RXFP1: variants seen among roughly 807,000 people sequenced by gnomAD.
RXFP1 encodes relaxin family peptide receptor 1, also known as relaxin receptor 1.
Under a neutral mutation model 89.8 loss-of-function variants are expected in RXFP1, and 73 were observed. The ratio of observed to expected loss-of-function variants is 0.81; its 90% CI spans 0.67 to 0.99. The LOEUF (loss-of-function observed/expected upper bound fraction) is 0.99, where lower values mean the gene tolerates loss of function less well. Ranked by LOEUF, RXFP1 falls within the 50% of genes least tolerant of loss-of-function variation. The probability of loss-of-function intolerance (pLI) is 0.00; values close to 1 mark genes in which losing one functional copy is unlikely to be tolerated. For synonymous variants in RXFP1, 277 were observed against 305.5 expected (o/e 0.91, Z 0.97); for missense variants, 793 against 895.5 (o/e 0.89, Z 1.46).
At chr4:158,522,750 G>A (rs1228588805) in intron 1 of RXFP1, among the ~76,000 whole-genome samples, 1 of 152,162 alleles carries the variant, frequency 6.6e-6, no homozygotes, top group East Asian at 1.9e-4. Context: ...GGTAATAAAT[G>A]ATGAAAAAGT....
chr4:158,634,487 T>C (rs1768745547), intron 12 of RXFP1, among the ~76,000 whole-genome samples: 1 of 152,208 alleles, frequency 6.6e-6, no homozygotes, highest in Non-Finnish European at 1.5e-5. Flanking sequence ...CTTTTCACTC[T>C]ATTATGGTGT....
chr4:158,648,401 A>G, intron 16 of RXFP1, 98 bp from the exon 17 acceptor site: 3 of 741,656 alleles, frequency 4.0e-6, no homozygotes, highest in Non-Finnish European at 6.3e-6. Flanking sequence ...TAGTAATAAC[A>G]TCTTTGTATC....
At chr4:158,597,566 G>A (rs149299600) in intron 3 of RXFP1, among the ~76,000 whole-genome samples, 1 of 152,132 alleles carries the variant, frequency 6.6e-6, no homozygotes. Flanking sequence ...AATATTCCAT[G>A]TAATAGTATA....
At chr4:158,617,101 A>C (rs1421088165) in intron 8 of RXFP1, 30 bp from the exon 9 acceptor site, 1 of 1,516,100 alleles carries the variant, frequency 6.6e-7, no homozygotes, top group Middle Eastern at 1.7e-4. Flanking sequence ...AACCAGAAAA[A>C]TGTGACTTGT....
At chr4:158,644,120 C>T (rs1425228654) in intron 14 of RXFP1, among the ~76,000 whole-genome samples, 1 of 149,582 alleles carries the variant, frequency 6.7e-6, no homozygotes, top group Non-Finnish European at 1.5e-5. Flanking sequence ...GATCTGGGCT[C>T]ACTGCAAGCT....
At chr4:158,609,925 C>A (rs975092328) in intron 6 of RXFP1, among the ~76,000 whole-genome samples, 5 of 152,166 alleles carry the variant, frequency 3.3e-5, no homozygotes, top group African/African-American at 4.8e-5. Flanking sequence ...TAAAAGTGTC[C>A]TCCCTCTCTT....
rs755694873 is a variant in RXFP1 at position 158,564,758 on chromosome 4, G to T, written c.50-7940G>T. On this transcript the variant is annotated intron_variant, in intron 1 of 17. Coordinates refer to ENST00000307765, the MANE Select transcript of RXFP1 (RefSeq NM_021634.4). ...AACTATTACTTCTGTAACTCTTTGGGCATACTTTTCCAGAGGGACTCAATA... is the reference window on the plus strand; with the variant it reads ...AACTATTACTTCTGTAACTCTTTGGTCATACTTTTCCAGAGGGACTCAATA... 3.9e-4 allele frequency among the ~76,000 whole-genome samples: 60 copies of T among 152,106 alleles called. 1 individual carries two copies. The highest frequency in any genetic ancestry group is 1.1e-3 in the Admixed American group (17 of 15,280).
chr4:158,528,848 T>A (rs1743262487), intron 1 of RXFP1, among the ~76,000 whole-genome samples: 1 of 152,242 alleles, frequency 6.6e-6, no homozygotes, highest in Non-Finnish European at 1.5e-5. Context: ...GTGCCCCAGA[T>A]AATGTAGGCA....
intron 1 of RXFP1, among the ~76,000 whole-genome samples, chr4:158,539,239 C>G (rs1353571054): frequency 1.3e-5 from 2 of 152,122 alleles, no homozygotes; most frequent in East Asian, 1.9e-4. Flanking sequence ...GGACAAAAAA[C>G]CAAACACCAC....
intron 4 of RXFP1, 42 bp downstream of exon 4, chr4:158,599,473 A>G: frequency 6.7e-7 from 1 of 1,495,476 alleles, no homozygotes; most frequent in Non-Finnish European, 9.2e-7. Flanking sequence ...GCTGGGTAGC[A>G]CCTGTAAAAT....
chr4:158,521,869 T>G, upstream of RXFP1: 1 of 656,110 alleles, frequency 1.5e-6, no homozygotes. Context: ...TTGTAACTGC[T>G]AAGATTGCAG....
intron 2 of RXFP1, among the ~76,000 whole-genome samples, chr4:158,583,263 C>T (rs1757710562): frequency 6.6e-6 from 1 of 152,182 alleles, no homozygotes; most frequent in Non-Finnish European, 1.5e-5. Context: ...TCAATTGGTC[C>T]TGTGTTTAAA....
chr4:158,651,859 A>T lies in RXFP1; in HGVS notation c.2078A>T (p.His693Leu), dbSNP rs1772803689. Residue 693 changes from histidine (H) to leucine (L), a missense_variant, in exon 18 of 18, where the codon CAT becomes CTT. Transcript: ENST00000307765. ...ACAAGACCATTTAAAGAAATGATTC[A>T]TCGGTTTTGGTATAACTACAGACAA... The part of the protein sequence containing the change: ...LTTRPFKEMI[H>L]RFWYNYRQRK... The T allele has an allele frequency of 1.2e-6, 2 of 1,614,066 alleles. No homozygotes were observed. The highest frequency in any genetic ancestry group is 2.7e-5 in the African/African-American group (2 of 74,932).
intron 3 of RXFP1, among the ~76,000 whole-genome samples, chr4:158,597,022 A>G (rs1314396829): frequency 6.6e-6 from 1 of 152,228 alleles, no homozygotes; most frequent in East Asian, 1.9e-4. Flanking sequence ...AAACAAATAT[A>G]TCATTGAGAG....
intron 1 of RXFP1, among the ~76,000 whole-genome samples, chr4:158,534,908 T>TA (rs1553991559): frequency 6.8e-6 from 1 of 147,466 alleles, no homozygotes; most frequent in East Asian, 1.9e-4. Flanking sequence ...TTTTATTACA[T>TA]ATAATAAAAT....
intron 6 of RXFP1, among the ~76,000 whole-genome samples, chr4:158,611,193 C>T (rs1338657811): frequency 6.6e-6 from 1 of 152,178 alleles, no homozygotes; most frequent in Non-Finnish European, 1.5e-5. Flanking sequence ...CTGAGGCTTA[C>T]AGGAATTCAC....
Position 158,648,569 on chromosome 4 carries a change from T to A in RXFP1, c.1827T>A (p.Ser609Arg). The A allele has an allele frequency of 1.2e-6, 2 of 1,613,350 alleles. No homozygotes were observed. Among genetic ancestry groups the A allele is most frequent in the African/African-American group, 1.3e-5 (1 of 75,030 alleles). ...GCATGTTTTATAGTGTTCATCAAAG[T>A]GCCATAACAGCAACTGAAATACGGA... ...YGSMFYSVHQ[S>R]AITATEIRNQ... Residue 609 changes from serine to arginine, a missense_variant, in exon 17 of 18, where the codon AGT becomes AGA. By Grantham distance (110) the Ser-to-Arg change is moderately radical. Coordinates refer to ENST00000307765, the MANE Select transcript of RXFP1 (RefSeq NM_021634.4).
At chr4:158,560,156 T>A (rs946012713) in intron 1 of RXFP1, among the ~76,000 whole-genome samples, 1 of 152,196 alleles carries the variant, frequency 6.6e-6, no homozygotes, top group Non-Finnish European at 1.5e-5. Flanking sequence ...GCACATCACA[T>A]AAAGTATTGT....
chr4:158,572,989 A>C, intron 2 of RXFP1, 154 bp downstream of exon 2: 6 of 1,126,772 alleles, frequency 5.3e-6, no homozygotes, highest in Non-Finnish European at 7.3e-6. Context: ...AGTAGCTTAA[A>C]ATATCCACTC....
Sources: gnomAD v4.1 joint callset for allele counts (sites outside exome capture counted in the v4.1 genomes callset) on GRCh38, gnomAD v4.1.1 for gene constraint, MANE v1.5 for transcripts, NCBI Gene and HGNC (gene_info 2026-07-23, HGNC 2026-07-21) for gene names.